Variants in MED14 observed in about 807,000 individuals in gnomAD.
MED14 encodes the protein mediator of RNA polymerase II transcription subunit 14.
MED14 carries 8 observed loss-of-function variants against 109.0 expected under a neutral mutation model. The observed-to-expected ratio is 0.07, with a 90% confidence interval of 0.04 to 0.13. MED14 has a LOEUF of 0.13. Ranked by LOEUF, MED14 falls within the 10% of genes least tolerant of loss-of-function variation. MED14 has a pLI of 1.00. For synonymous variants in MED14, 399 were observed against 408.7 expected, an observed-to-expected ratio of 0.98 and a Z score of 0.29; for missense variants, 711 against 1,142.4, an observed-to-expected ratio of 0.62 and a Z score of 5.44.
rs1930926219 is a variant in MED14 at position 40,701,262 on chromosome X, CATTA to C, written c.1412-23_1412-20del. 1 of 1,062,520 alleles carries C rather than the reference CATTA, an allele frequency of 9.4e-7. No homozygotes were observed. The allele number at this position is 1,062,520 out of a possible 1,213,427, so 87.6% of individuals were successfully genotyped here. ...GCCTGGTCTACAGAATAAAGCACTT[CATTA>C]ATTAATTGCTTATATGAGAAACAAA... On this transcript the variant is annotated intron_variant, in intron 11 of 30. Coordinates refer to ENST00000324817, the MANE Select transcript of MED14 (RefSeq NM_004229.4).
intron 6 of MED14, 67 bp from the exon 7 acceptor site, chrX:40,712,360 T>G: frequency 2.9e-6 from 2 of 696,116 alleles, no homozygotes; most frequent in Non-Finnish European, 4.3e-6. Flanking sequence ...CTATACCAAC[T>G]AAGGAAGCAC....
At chrX:40,708,134 G>T (rs1459518756) in intron 10 of MED14, among the ~76,000 whole-genome samples, 1 of 110,235 alleles carries the variant, frequency 9.1e-6, no homozygotes, top group African/African-American at 3.3e-5. Context: ...AGGGCTAATG[G>T]ACAGGCACCC....
chrX:40,697,125 T>C lies in MED14; in HGVS notation c.1549A>G (p.Ser517Gly), dbSNP rs769219665. Residue 517 changes from serine to glycine, a missense_variant, in exon 13 of 31, where the codon AGT becomes GGT. Ser to Gly is a moderately conservative substitution (Grantham distance 56). Coordinates refer to ENST00000324817, the MANE Select transcript of MED14 (RefSeq NM_004229.4). ...TAATTGGAAAGCTGCAATGTTTCAC[T>C]GCTTATCGTAGGCAGATGTTTTATA... Reference protein sequence around the residue: ...QSIKHLPTISSETLQLSNYST... With the variant: ...QSIKHLPTISGETLQLSNYST... 48 of 1,195,240 alleles carry C rather than the reference T, an allele frequency of 4.0e-5. No individual in the cohort carries two copies. In the East Asian group the frequency reaches 1.2e-3, roughly 31 times the overall value.
intron 28 of MED14, among the ~76,000 whole-genome samples, 157 bp downstream of exon 28, chrX:40,659,070 C>G (rs1024426513): frequency 3.4e-4 from 38 of 111,453 alleles, no homozygotes; most frequent in Admixed American, 3.2e-3. Context: ...AATTGTGTTA[C>G]CTATTCAAAG....
rs570431258 is a variant in MED14 at position 40,674,908 on chromosome X, T to A, written c.3021+313A>T. On this transcript the variant is annotated intron_variant, in intron 22 of 30. Transcript: ENST00000324817. ...TCTACTGTGCTCTACTTTAATAGCA[T>A]CTGTCCTTCAAGACAAGGTAAGGAA... Among the ~76,000 whole-genome samples, 13 of 112,704 alleles carry A rather than the reference T, an allele frequency of 1.2e-4. 1 individual carries two copies. In the South Asian group the frequency reaches 4.8e-3, roughly 41 times the overall value.
At chrX:40,679,123 C>T (rs1930019619) in intron 21 of MED14, among the ~76,000 whole-genome samples, 1 of 111,962 alleles carries the variant, frequency 8.9e-6, no homozygotes, top group Admixed American at 9.4e-5. Context: ...AGTTGTGGTC[C>T]AGGACCTTAC....
chrX:40,719,374 C>T (rs747478547), intron 3 of MED14, among the ~76,000 whole-genome samples: 2 of 111,951 alleles, frequency 1.8e-5, no homozygotes, highest in South Asian at 7.3e-4. Flanking sequence ...CAGCATTAGT[C>T]ATAATAATCC....
In MED14 at chrX:40,712,978, A is replaced by G. The variant is rs1931386607; in HGVS notation, c.717T>C (p.Asp239=). ...EFEATLTVMG[D]DPDVPWRLLK... ...GAAGACGCCATGGAACATCAGGGTCATCTCCCATCACAGTCAAGGTGGCTT... is the reference window on the plus strand; with the variant it reads ...GAAGACGCCATGGAACATCAGGGTCGTCTCCCATCACAGTCAAGGTGGCTT... The change falls in exon 6 of 31, where the codon GAT becomes GAC. Residue 239 remains aspartate (D), a synonymous_variant. Transcript: ENST00000324817. The G allele has an allele frequency of 8.4e-7, 1 of 1,191,538 alleles. No individual in the cohort carries two copies. The highest frequency in any genetic ancestry group is 2.4e-4 in the Middle Eastern group (1 of 4,251).
At chrX:40,678,801 G>A (rs926171982) in intron 21 of MED14, among the ~76,000 whole-genome samples, 1 of 106,985 alleles carries the variant, frequency 9.3e-6, no homozygotes, top group Non-Finnish European at 1.9e-5. Context: ...ACGAGACCCT[G>A]TCTCCAAAAA....
At chrX:40,658,461 T>C (rs1929144028) in intron 28 of MED14, among the ~76,000 whole-genome samples, 1 of 111,220 alleles carries the variant, frequency 9.0e-6, no homozygotes, top group African/African-American at 3.3e-5. Flanking sequence ...GTCAGATTTT[T>C]AAAAATTATA....
intron 16 of MED14, among the ~76,000 whole-genome samples, chrX:40,688,081 G>A (rs1170798418): frequency 9.0e-6 from 1 of 110,942 alleles, no homozygotes; most frequent in African/African-American, 3.3e-5. Context: ...GCTGGGCGTC[G>A]TGGTGTGTGC....
chrX:40,710,090 A>G lies in MED14; in HGVS notation c.1062T>C (p.Val354=). ...VLGRKTGTAS[V]HKVTIKIDEN... is the part of the protein sequence containing the mutation. The stretch of plus-strand genomic sequence containing the variant: ...CATCAATTTTAATTGTAACTTTGTG[A>G]ACAGATGCTGTTCCAGTTTTTCTCC... The change falls in exon 9 of 31, where the codon GTT becomes GTC. Residue 354 remains valine, a synonymous_variant. Coordinates refer to ENST00000324817, the MANE Select transcript of MED14 (RefSeq NM_004229.4). 2.5e-6 allele frequency: 3 copies of G among 1,184,112 alleles called. No homozygotes were observed. Among genetic ancestry groups the G allele is most frequent in the Non-Finnish European group, 3.4e-6 (3 of 882,576 alleles).
rs186719712 is a variant in MED14 at position 40,666,969 on chromosome X, A to G, written c.3134-118T>C. ...GAAACAAGTAGTATAGCTCCCATAT[A>G]TATAACACAGAGAAAAACTGGCACG... On this transcript the variant is annotated intron_variant, in intron 23 of 30. Transcript: ENST00000324817. The G allele has an allele frequency of 1.9e-5, 11 of 588,154 alleles. No individual in the cohort carries two copies. The Admixed American group carries it at 4.5e-4, about 24-fold the overall frequency. The allele number at this position is 588,154 out of a possible 1,213,427, so 48.5% of individuals were successfully genotyped here.
intron 16 of MED14, among the ~76,000 whole-genome samples, chrX:40,686,347 A>C (rs1205625569): frequency 1.8e-5 from 2 of 111,956 alleles, no homozygotes; most frequent in Non-Finnish European, 3.8e-5. Flanking sequence ...ACCATGAAAA[A>C]TACAACTAAG....
Position 40,735,523 on chromosome X carries a change from G to A in MED14, c.-111C>T. Reference sequence around the variant, plus strand: ...GCGGGCAGAGTCGCCACCGCCTACCGCCGGGCCGCCTCAGAACAGGAAGCC... The same window carrying A: ...GCGGGCAGAGTCGCCACCGCCTACCACCGGGCCGCCTCAGAACAGGAAGCC... On this transcript the variant is annotated 5_prime_UTR_variant, in exon 1 of 31. Coordinates refer to ENST00000324817, the MANE Select transcript of MED14 (RefSeq NM_004229.4). The A allele has an allele frequency of 1.3e-6, 1 of 743,721 alleles. No individual in the cohort carries two copies. Among genetic ancestry groups the A allele is most frequent in the Non-Finnish European group, 2.0e-6 (1 of 499,043 alleles). The allele number at this position is 743,721 out of a possible 1,213,427, so 61.3% of individuals were successfully genotyped here.
intron 3 of MED14, among the ~76,000 whole-genome samples, chrX:40,717,047 T>C (rs1288939969): frequency 1.8e-5 from 2 of 111,091 alleles, no homozygotes; most frequent in South Asian, 3.8e-4. Context: ...TACAAAAATA[T>C]AGTTAAAAGG....
intron 13 of MED14, among the ~76,000 whole-genome samples, chrX:40,694,072 T>C (rs1930637774): frequency 9.0e-6 from 1 of 111,021 alleles, no homozygotes; most frequent in South Asian, 3.8e-4. Flanking sequence ...TAATTTTTTG[T>C]ATTTTTATTA....
At position 40,659,549 on chromosome X, in the gene MED14, T is replaced by C. The variant is rs779598170; in HGVS notation, c.3743A>G (p.Lys1248Arg). Reference protein sequence around the residue: ...GVIMFKTDALKCRVALSPKTN... With the variant: ...GVIMFKTDALRCRVALSPKTN... ...TTTGGGACTAAGAGCTACTCTGCATTTCAGTGCATCAGTCTTAAACATGAT... is the reference window on the plus strand; with the variant it reads ...TTTGGGACTAAGAGCTACTCTGCATCTCAGTGCATCAGTCTTAAACATGAT... The change falls in exon 27 of 31, where the codon AAA becomes AGA. Residue 1248 changes from lysine (K) to arginine (R), a missense_variant. By Grantham distance (26) the Lys-to-Arg change is conservative (BLOSUM62 2). This residue lies in a region of MED14 where 54 missense variants were observed against 129.6 expected (regional missense o/e 0.42). Coordinates refer to ENST00000324817, the MANE Select transcript of MED14 (RefSeq NM_004229.4). The C allele has an allele frequency of 8.3e-7, 1 of 1,211,327 alleles. No homozygotes were observed. Among genetic ancestry groups the C allele is most frequent in the Non-Finnish European group, 1.1e-6 (1 of 895,110 alleles).
intron 23 of MED14, among the ~76,000 whole-genome samples, chrX:40,668,583 A>G (rs972378761): frequency 9.9e-5 from 11 of 111,139 alleles, no homozygotes; most frequent in African/African-American, 3.6e-4. Flanking sequence ...CACTTGCTAC[A>G]TTATCATAAT....
Sources: gnomAD v4.1 joint callset for allele counts (sites outside exome capture counted in the v4.1 genomes callset) on GRCh38, gnomAD v4.1.1 for gene constraint, gnomAD v4.1.1 regional missense constraint, MANE v1.5 for transcripts, NCBI Gene and HGNC (gene_info 2026-07-23, HGNC 2026-07-21) for gene names.